Variants in PPP1R16B observed in about 807,000 individuals in gnomAD.
PPP1R16B encodes protein phosphatase 1 regulatory inhibitor subunit 16B.
A neutral mutation model predicts 61.7 loss-of-function variants in PPP1R16B; 14 were observed. The observed-to-expected ratio is 0.23, with a 90% CI of 0.15 to 0.35. The LOEUF (loss-of-function observed/expected upper bound fraction) is 0.35. Among genes scored for constraint, PPP1R16B ranks in the 10% least tolerant of loss-of-function variants. The probability of loss-of-function intolerance (pLI) is 1.00; values close to 1 mark genes in which losing one functional copy is unlikely to be tolerated. For synonymous variants in PPP1R16B, 266 were observed against 305.3 expected (o/e 0.87, Z 1.34); for missense variants, 547 against 752.5 (o/e 0.73, Z 3.19).
Position 38,918,388 on chromosome 20 carries a change from A to G in PPP1R16B, c.1426A>G (p.Ser476Gly), listed in dbSNP as rs974048330. Residue 476 changes from serine (S) to glycine (G), a missense_variant, in exon 11 of 11, where the codon AGC (serine) becomes GGC (glycine). Ser to Gly is a moderately conservative substitution (Grantham distance 56, BLOSUM62 0). Coordinates refer to ENST00000299824, the MANE Select transcript of PPP1R16B (RefSeq NM_015568.4). The surrounding 1 kb of genome is among the most constrained non-coding windows in gnomAD (Gnocchi z 5.3). ...GCCCTGGAGCAGCTACAAGGAACAGAGCCCTCAGACGCTTCTGGAGCTGAA... is the reference window on the plus strand; with the variant it reads ...GCCCTGGAGCAGCTACAAGGAACAGGGCCCTCAGACGCTTCTGGAGCTGAA... ...TPPWSSYKEQ[S>G]PQTLLELKRQ... 1 of 1,613,996 alleles carries G rather than the reference A, an allele frequency of 6.2e-7. No homozygotes were observed. Among genetic ancestry groups the G allele is most frequent in the Non-Finnish European group, 8.5e-7 (1 of 1,180,040 alleles).
intron 4 of PPP1R16B, among the ~76,000 whole-genome samples, chr20:38,896,070 CCCTCCCTT>C (rs1568679341): frequency 5.5e-5 from 7 of 127,064 alleles, no homozygotes; most frequent in African/African-American, 2.4e-4. Context: ...TTCCTTTCTT[CCCTCCCTT>C]CCTCCCTTTC....
chr20:38,836,200 C>T, intron 2 of PPP1R16B, 25 bp downstream of exon 2: 1 of 1,594,210 alleles, frequency 6.3e-7, no homozygotes, highest in Non-Finnish European at 8.5e-7. Context: ...GCCTTGGCGG[C>T]CACGCAGCTG....
At chr20:38,844,776 A>T (rs1170524497) in intron 2 of PPP1R16B, among the ~76,000 whole-genome samples, 2 of 152,186 alleles carry the variant, frequency 1.3e-5, no homozygotes, top group Non-Finnish European at 2.9e-5. Context: ...TTTACCCACC[A>T]TTGCTTTTAC....
chr20:38,913,653 G>A (rs6015984), intron 10 of PPP1R16B, among the ~76,000 whole-genome samples: 3 of 152,188 alleles, frequency 2.0e-5, no homozygotes, highest in Non-Finnish European at 2.9e-5. Flanking sequence ...GCAAGATCTT[G>A]GAGGTCAAGG....
intron 4 of PPP1R16B, among the ~76,000 whole-genome samples, chr20:38,900,095 T>C (rs767302411): frequency 1.3e-5 from 2 of 152,122 alleles, no homozygotes; most frequent in African/African-American, 2.4e-5. Flanking sequence ...TGCCCGGTCA[T>C]GTCTGAGTCT....
intron 2 of PPP1R16B, among the ~76,000 whole-genome samples, chr20:38,843,871 C>T (rs1290546857): frequency 6.6e-6 from 1 of 151,978 alleles, no homozygotes; most frequent in Non-Finnish European, 1.5e-5. Context: ...CTGCTTCTGC[C>T]TTCAATCTGT....
intron 2 of PPP1R16B, among the ~76,000 whole-genome samples, chr20:38,885,528 C>T (rs2085238433): frequency 6.6e-6 from 1 of 152,228 alleles, no homozygotes; most frequent in Non-Finnish European, 1.5e-5. Flanking sequence ...AATGCTGTTC[C>T]TATTCCTGGC....
chr20:38,854,044 A>C (rs2084986787), intron 2 of PPP1R16B, among the ~76,000 whole-genome samples: 1 of 152,156 alleles, frequency 6.6e-6, no homozygotes, highest in Non-Finnish European at 1.5e-5. Flanking sequence ...CCATTGTTAT[A>C]ATCTACCACA....
intron 1 of PPP1R16B, among the ~76,000 whole-genome samples, chr20:38,822,401 A>G (rs1466656349): frequency 6.6e-6 from 1 of 151,956 alleles, no homozygotes; most frequent in Non-Finnish European, 1.5e-5. Context: ...ATAAAAAGCC[A>G]TTAAAAACAC....
chr20:38,900,089 C>T (rs1274341757), intron 4 of PPP1R16B, among the ~76,000 whole-genome samples: 2 of 152,068 alleles, frequency 1.3e-5, no homozygotes, highest in Non-Finnish European at 2.9e-5. Flanking sequence ...CCACTGTGCC[C>T]GGTCATGTCT....
At chr20:38,810,829 G>T (rs1009805118) in intron 1 of PPP1R16B, among the ~76,000 whole-genome samples, 1 of 152,208 alleles carries the variant, frequency 6.6e-6, no homozygotes, top group African/African-American at 2.4e-5. Context: ...AGGGCATGCA[G>T]CTTGTAAGTG....
chr20:38,884,203 C>G (rs1428765277), intron 2 of PPP1R16B, among the ~76,000 whole-genome samples: 1 of 152,246 alleles, frequency 6.6e-6, no homozygotes, highest in Non-Finnish European at 1.5e-5. Flanking sequence ...GGTAGGGAGA[C>G]AGGACCCCTG....
intron 2 of PPP1R16B, among the ~76,000 whole-genome samples, chr20:38,851,256 G>A (rs1261450658): frequency 1.3e-5 from 2 of 151,762 alleles, no homozygotes; most frequent in African/African-American, 4.8e-5. Context: ...CCAGAGGTCA[G>A]GAGTTCGAGA....
At chr20:38,897,759 A>G (rs78635662) in intron 4 of PPP1R16B, among the ~76,000 whole-genome samples, 4,295 of 152,074 alleles carry the variant, frequency 0.028, 210 homozygotes, top group African/African-American at 0.098. Flanking sequence ...AACACTTGCT[A>G]TTTTCTGCTT....
chr20:38,847,541 G>C (rs960446336), intron 2 of PPP1R16B, among the ~76,000 whole-genome samples: 8 of 152,194 alleles, frequency 5.3e-5, no homozygotes, highest in Non-Finnish European at 7.3e-5. Flanking sequence ...ATTTTTAGTA[G>C]AGATGGGGTT....
At chr20:38,826,577 G>T (rs1370928457) in intron 1 of PPP1R16B, among the ~76,000 whole-genome samples, 1 of 152,236 alleles carries the variant, frequency 6.6e-6, no homozygotes, top group Admixed American at 6.5e-5. Flanking sequence ...CTGAGCCTGA[G>T]AGAGCGGCTT....
intron 7 of PPP1R16B, among the ~76,000 whole-genome samples, 188 bp downstream of exon 7, chr20:38,906,282 T>TG (rs1412138976): frequency 6.3e-5 from 9 of 142,082 alleles, no homozygotes; most frequent in African/African-American, 2.3e-4. Flanking sequence ...AAGCAAGTTG[T>TG]GTTTTTTTTT....
At chr20:38,869,550 T>C (rs974126779) in intron 2 of PPP1R16B, among the ~76,000 whole-genome samples, 1 of 152,224 alleles carries the variant, frequency 6.6e-6, no homozygotes, top group Admixed American at 6.5e-5. Context: ...AGGGTTCCAG[T>C]TTCTCCACAT....
chr20:38,884,884 A>G (rs1386384747), intron 2 of PPP1R16B, among the ~76,000 whole-genome samples: 1 of 151,998 alleles, frequency 6.6e-6, no homozygotes, highest in Non-Finnish European at 1.5e-5. Context: ...ATCCTGGCTA[A>G]CATGGTGAAA....
Sources: allele counts gnomAD v4.1 joint callset (sites outside exome capture counted in the v4.1 genomes callset), GRCh38; gene constraint gnomAD v4.1.1; non-coding constraint Gnocchi (gnomAD v3.1); transcripts MANE v1.5; gene names NCBI Gene and HGNC (gene_info 2026-07-23, HGNC 2026-07-21).